Variants in NFIA observed in about 807,000 individuals in gnomAD.
The protein encoded by NFIA is nuclear factor I A.
Under a neutral mutation model 62.8 loss-of-function variants are expected in NFIA, and 8 were observed. The observed-to-expected ratio is 0.13, with a 90% CI of 0.07 to 0.23. NFIA has a LOEUF of 0.23. NFIA is among the 10% of genes least tolerant of loss of function. NFIA has a pLI of 1.00. For synonymous variants in NFIA, 235 were observed against 238.1 expected (o/e 0.99, Z 0.12); for missense variants, 410 against 642.1 (o/e 0.64, Z 3.91).
intron 6 of NFIA, among the ~76,000 whole-genome samples, chr1:61,363,722 A>G (rs559624400): frequency 6.6e-6 from 1 of 152,316 alleles, no homozygotes; most frequent in East Asian, 1.9e-4. Flanking sequence ...AGAAATATAG[A>G]TTATTAAATA....
chr1:61,406,980 G>T (rs1286363711), intron 9 of NFIA, among the ~76,000 whole-genome samples: 1 of 152,174 alleles, frequency 6.6e-6, no homozygotes, highest in African/African-American at 2.4e-5. Flanking sequence ...CAAGTTATGA[G>T]CTATTACATT....
At chr1:61,138,845 G>A (rs558766609) in intron 2 of NFIA, among the ~76,000 whole-genome samples, 1 of 150,780 alleles carries the variant, frequency 6.6e-6, no homozygotes, top group South Asian at 2.2e-4. Flanking sequence ...GCCTCCCAAA[G>A]TGCTACTATT....
chr1:61,195,385 A>G (rs555279909), intron 2 of NFIA, among the ~76,000 whole-genome samples: 2 of 152,278 alleles, frequency 1.3e-5, no homozygotes, highest in South Asian at 4.2e-4. Flanking sequence ...AGGAGCCGGA[A>G]GTCTTTCACC....
intron 2 of NFIA, among the ~76,000 whole-genome samples, chr1:61,203,339 C>T (rs192953658): frequency 3.7e-4 from 56 of 152,200 alleles, no homozygotes; most frequent in South Asian, 1.9e-3. Context: ...TAAAAGTGAG[C>T]GCTTCAAGTG....
At chr1:61,188,528 C>T (rs1450061389) in intron 2 of NFIA, among the ~76,000 whole-genome samples, 1 of 152,090 alleles carries the variant, frequency 6.6e-6, no homozygotes, top group Non-Finnish European at 1.5e-5. Context: ...ATTTATTAAT[C>T]TGGGTTTAAA....
intron 9 of NFIA, among the ~76,000 whole-genome samples, chr1:61,420,691 C>G (rs1043194981): frequency 1.3e-5 from 2 of 152,070 alleles, no homozygotes; most frequent in Non-Finnish European, 1.5e-5. Flanking sequence ...GAGGGAGACT[C>G]CCACACATGA....
intron 9 of NFIA, among the ~76,000 whole-genome samples, chr1:61,416,299 A>T (rs1406906113): frequency 2.0e-5 from 3 of 152,178 alleles, no homozygotes; most frequent in Non-Finnish European, 2.9e-5. Flanking sequence ...TCTTGTTTAT[A>T]CTAAAATGAT....
rs552054311 is a variant in NFIA, at chr1:61,135,097, G to C, written c.559+46417G>C. ...AATCTAAGAAACAAATAATATGGAG[G>C]TTCTTTATATTAACACATTGCTTTA... is the stretch of plus-strand genomic sequence containing the variant. On this transcript the variant is annotated intron_variant, in intron 2 of 10. Coordinates refer to ENST00000403491, the MANE Select transcript of NFIA (RefSeq NM_001134673.4). Among the ~76,000 whole-genome samples, 112 of 152,314 alleles carry C rather than the reference G, an allele frequency of 7.4e-4. 1 individual carries two copies. The highest frequency in any genetic ancestry group is 2.6e-3 in the African/African-American group (107 of 41,580).
intron 2 of NFIA, among the ~76,000 whole-genome samples, chr1:61,193,091 C>T (rs1421260859): frequency 6.6e-6 from 1 of 152,200 alleles, no homozygotes; most frequent in African/African-American, 2.4e-5. Context: ...GAAACCACTG[C>T]CAGAATCCTC....
chr1:61,431,572 G>C lies in NFIA; in HGVS notation c.1512+5016G>C, dbSNP rs532089269. On this transcript the variant is annotated intron_variant, in intron 10 of 10. Transcript: ENST00000403491. The stretch of plus-strand genomic sequence containing the variant: ...CATGGGCCTGATTTGTTGACAAAAA[G>C]GCACAGGTGCTATAACCTTTGCTTA... Among the ~76,000 whole-genome samples, 35 of 152,364 alleles carry C rather than the reference G, an allele frequency of 2.3e-4. No individual in the cohort carries two copies. The South Asian group carries it at 7.0e-3, about 31-fold the overall frequency.
chr1:61,200,018 A>ATG (rs1376010297), intron 2 of NFIA, among the ~76,000 whole-genome samples: 667 of 9,408 alleles, frequency 0.071, 26 homozygotes, highest in African/African-American at 0.24. Context: ...ATGTATATAT[A>ATG]TATATATATA....
At chr1:61,232,113 A>G (rs956929937) in intron 2 of NFIA, among the ~76,000 whole-genome samples, 3 of 152,202 alleles carry the variant, frequency 2.0e-5, no homozygotes, top group Admixed American at 6.5e-5. Context: ...AAGCAAGTCC[A>G]CAAAGATTAA....
At chr1:61,246,219 A>G (rs1655640350) in intron 2 of NFIA, among the ~76,000 whole-genome samples, 1 of 152,164 alleles carries the variant, frequency 6.6e-6, no homozygotes, top group African/African-American at 2.4e-5. Context: ...TAAAAAGAGG[A>G]ACTGGAACTC....
intron 7 of NFIA, 125 bp downstream of exon 7, chr1:61,383,490 AC>A: frequency 8.2e-7 from 1 of 1,224,512 alleles, no homozygotes; most frequent in Non-Finnish European, 1.1e-6. Context: ...CCAATTTCTT[AC>A]CCTTGGGGGC....
intron 2 of NFIA, among the ~76,000 whole-genome samples, chr1:61,153,542 G>T (rs968682368): frequency 1.3e-5 from 2 of 152,164 alleles, no homozygotes; most frequent in African/African-American, 4.8e-5. Flanking sequence ...AAACAGACAC[G>T]TGTAACTGAA....
upstream of NFIA, among the ~76,000 whole-genome samples, chr1:61,078,661 C>G (rs1399877798): frequency 6.6e-6 from 1 of 152,198 alleles, no homozygotes; most frequent in African/African-American, 2.4e-5. Flanking sequence ...AGCTGTCTTA[C>G]ACACTTGAAA....
At chr1:61,112,071 A>G (rs1646702283) in intron 2 of NFIA, among the ~76,000 whole-genome samples, 2 of 152,104 alleles carry the variant, frequency 1.3e-5, no homozygotes, top group Non-Finnish European at 2.9e-5. Context: ...GTTGAAGTCA[A>G]AACAACAAAG....
chr1:61,371,557 T>C (rs1289494070), intron 6 of NFIA, among the ~76,000 whole-genome samples: 1 of 152,180 alleles, frequency 6.6e-6, no homozygotes, highest in Non-Finnish European at 1.5e-5. Flanking sequence ...TGCAGAGATA[T>C]AATTTATTAG....
chr1:61,150,638 T>G (rs573818815), intron 2 of NFIA, among the ~76,000 whole-genome samples: 9 of 152,292 alleles, frequency 5.9e-5, no homozygotes, highest in African/African-American at 2.2e-4. Flanking sequence ...TGGTTGTCTT[T>G]GAATGGGGAG....
Sources: allele counts gnomAD v4.1 joint callset (sites outside exome capture counted in the v4.1 genomes callset), GRCh38; gene constraint gnomAD v4.1.1; transcripts MANE v1.5; gene names NCBI Gene and HGNC (gene_info 2026-07-23, HGNC 2026-07-21).